The following SUSD4 variants were observed in gnomAD, a reference collection of about 807,000 sequenced individuals.
SUSD4 encodes the protein sushi domain-containing protein 4.
SUSD4 carries 41 observed loss-of-function variants against 50.5 expected under a neutral mutation model. The ratio of observed to expected loss-of-function variants is 0.81; its 90% CI spans 0.63 to 1.05. The LOEUF is 1.05. Among genes scored for constraint, SUSD4 ranks in the 50% least tolerant of loss-of-function variants. The pLI, the probability that SUSD4 is intolerant of heterozygous loss-of-function variation, is 0.00. For synonymous variants in SUSD4, 257 were observed against 257.3 expected (o/e 1.00, Z 0.01); for missense variants, 580 against 634.7 (o/e 0.91, Z 0.93).
chr1:223,311,891 A>G (rs921134607), intron 2 of SUSD4, among the ~76,000 whole-genome samples: 1 of 152,216 alleles, frequency 6.6e-6, no homozygotes, highest in Non-Finnish European at 1.5e-5. Flanking sequence ...TGCTGAGAGC[A>G]GTGTAGAACT....
At chr1:223,242,869 G>A (rs1452984777) in intron 5 of SUSD4, among the ~76,000 whole-genome samples, 1 of 152,146 alleles carries the variant, frequency 6.6e-6, no homozygotes, top group Non-Finnish European at 1.5e-5. Flanking sequence ...GAAGTCGCTG[G>A]AGAGTGTGGG....
intron 5 of SUSD4, among the ~76,000 whole-genome samples, chr1:223,238,997 T>C (rs998061920): frequency 6.6e-6 from 1 of 152,034 alleles, no homozygotes; most frequent in African/African-American, 2.4e-5. Flanking sequence ...TTTTGCCTCA[T>C]GTAGTTTGAT....
chr1:223,350,642 T>C (rs1159117359), intron 2 of SUSD4, among the ~76,000 whole-genome samples: 1 of 152,252 alleles, frequency 6.6e-6, no homozygotes, highest in Non-Finnish European at 1.5e-5. Context: ...CCTTTATTCA[T>C]ACAGTAGCAG....
chr1:223,277,500 T>G (rs1236333870), intron 3 of SUSD4, among the ~76,000 whole-genome samples: 1 of 152,018 alleles, frequency 6.6e-6, no homozygotes, highest in Non-Finnish European at 1.5e-5. Context: ...TGAAATTACC[T>G]TGGATCCCTT....
At chr1:223,293,442 T>A (rs1036677663) in intron 2 of SUSD4, among the ~76,000 whole-genome samples, 3 of 152,164 alleles carry the variant, frequency 2.0e-5, no homozygotes, top group Non-Finnish European at 4.4e-5. Context: ...GACTCCATCC[T>A]GACATCCCCA....
chr1:223,226,298 A>G (rs569800159), intron 7 of SUSD4, among the ~76,000 whole-genome samples: 1 of 152,368 alleles, frequency 6.6e-6, no homozygotes, highest in South Asian at 2.1e-4. Context: ...AGGTTTCAGC[A>G]TCTTAGCAAG....
At chr1:223,225,980 T>C (rs1659492379) in intron 7 of SUSD4, among the ~76,000 whole-genome samples, 2 of 152,208 alleles carry the variant, frequency 1.3e-5, no homozygotes, top group African/African-American at 4.8e-5. Context: ...TCAAGAATAA[T>C]ATAAGATGAA....
Position 223,266,098 on chromosome 1 carries a change from G to T in SUSD4, c.536-1280C>A, listed in dbSNP as rs372644457. 2.6e-5 allele frequency among the ~76,000 whole-genome samples: 4 copies of T among 152,286 alleles called. No homozygotes were observed. The East Asian group carries it at 7.7e-4, about 29-fold the overall frequency. On this transcript the variant is annotated intron_variant, in intron 4 of 8. Transcript: ENST00000366878. ...CAGAATTTGAGGCACTCACTGTCGT[G>T]GTTGGGCAGTGCCAATCCTGCACTG...
rs529325961 is a variant in SUSD4, at chr1:223,276,975, A to C, written c.362-8300T>G. 3.9e-5 allele frequency among the ~76,000 whole-genome samples: 6 copies of C among 152,362 alleles called. No individual in the cohort carries two copies. The South Asian group carries it at 1.2e-3, about 32-fold the overall frequency. On this transcript the variant is annotated intron_variant, in intron 3 of 8. Transcript: ENST00000366878. ...GTTTTGATGAAGCCTCTGGAGCTAG[A>C]AGACAGCTCACTTAACATATAAGTA...
chr1:223,285,891 T>C (rs578132401), intron 3 of SUSD4, among the ~76,000 whole-genome samples: 3 of 152,310 alleles, frequency 2.0e-5, no homozygotes, highest in South Asian at 4.1e-4. Flanking sequence ...TATGGGGTAC[T>C]AGGCTTGTTA....
At chr1:223,317,369 A>C (rs1243407739) in intron 2 of SUSD4, among the ~76,000 whole-genome samples, 1 of 152,152 alleles carries the variant, frequency 6.6e-6, no homozygotes, top group Admixed American at 6.5e-5. Context: ...TCAAGAAATA[A>C]CCATAAAAAT....
At chr1:223,297,225 G>A (rs1465656303) in intron 2 of SUSD4, among the ~76,000 whole-genome samples, 2 of 152,248 alleles carry the variant, frequency 1.3e-5, no homozygotes, top group Non-Finnish European at 2.9e-5. Context: ...AACATGTGGA[G>A]AGGGAAGGGT....
chr1:223,363,185 T>C (rs1157390385), intron 2 of SUSD4, 93 bp downstream of exon 2: 1 of 1,330,366 alleles, frequency 7.5e-7, no homozygotes, highest in African/African-American at 1.5e-5. Flanking sequence ...AGTCTGGGTG[T>C]ATGGGGGAGG....
At chr1:223,303,772 T>A (rs1220005897) in intron 2 of SUSD4, among the ~76,000 whole-genome samples, 1 of 152,126 alleles carries the variant, frequency 6.6e-6, no homozygotes, top group African/African-American at 2.4e-5. Context: ...GTCATTTGAT[T>A]ATGAGGTGAG....
intron 5 of SUSD4, among the ~76,000 whole-genome samples, chr1:223,241,862 A>C (rs1337492031): frequency 6.6e-6 from 1 of 152,132 alleles, no homozygotes; most frequent in African/African-American, 2.4e-5. Flanking sequence ...AGAGTCCTGG[A>C]AATTTGTTCC....
intron 2 of SUSD4, among the ~76,000 whole-genome samples, chr1:223,362,940 A>ACCCCCCCCC (rs1411258473): frequency 1.5e-4 from 10 of 66,248 alleles, no homozygotes; most frequent in Non-Finnish European, 2.4e-4. Flanking sequence ...CCCACCCCCC[A>ACCCCCCCCC]CCCCTCCCCC....
chr1:223,242,155 C>G (rs575116724), intron 5 of SUSD4, among the ~76,000 whole-genome samples: 16 of 152,244 alleles, frequency 1.1e-4, no homozygotes, highest in African/African-American at 3.9e-4. Context: ...GATGCTCAGG[C>G]TGGTCTTGAA....
At chr1:223,283,411 A>C (rs1209437936) in intron 3 of SUSD4, among the ~76,000 whole-genome samples, 1 of 152,180 alleles carries the variant, frequency 6.6e-6, no homozygotes, top group Non-Finnish European at 1.5e-5. Context: ...CTCATCAAAA[A>C]TGGGTGAAGG....
chr1:223,334,266 A>C (rs192642839), intron 2 of SUSD4, among the ~76,000 whole-genome samples: 1 of 152,172 alleles, frequency 6.6e-6, no homozygotes, highest in Non-Finnish European at 1.5e-5. Context: ...AGCTTCAACA[A>C]AAAAACCTGG....
Sources: gnomAD v4.1 joint callset for allele counts (sites outside exome capture counted in the v4.1 genomes callset) on GRCh38, gnomAD v4.1.1 for gene constraint, MANE v1.5 for transcripts, NCBI Gene and HGNC (gene_info 2026-07-23, HGNC 2026-07-21) for gene names.